GPD2: variants seen among roughly 807,000 people sequenced by gnomAD.
GPD2 encodes the protein glycerol-3-phosphate dehydrogenase 2, also known as glycerol-3-phosphate dehydrogenase, mitochondrial.
GPD2 carries 54 observed loss-of-function variants against 82.4 expected under a neutral mutation model. The observed-to-expected ratio is 0.66, with a 90% confidence interval of 0.53 to 0.82. The LOEUF (loss-of-function observed/expected upper bound fraction) is 0.82. Ranked by LOEUF, GPD2 falls within the 40% of genes least tolerant of loss-of-function variation. The pLI, the probability that GPD2 is intolerant of heterozygous loss-of-function variation, is 0.00. For missense variants in GPD2, 748 were observed against 896.2 expected, an observed-to-expected ratio of 0.83 and a Z score of 2.11; for synonymous variants, 288 against 306.1, an observed-to-expected ratio of 0.94 and a Z score of 0.62.
At chr2:156,419,684 A>T in the GPD2 span, among the ~76,000 whole-genome samples, 2 of 152,178 alleles carry the variant, frequency 1.3e-5, no homozygotes, top group Non-Finnish European at 2.9e-5. Flanking sequence ...GAAGAGACAG[A>T]ATGTGGTTGA....
chr2:156,582,953 A>C lies in GPD2; in HGVS notation c.*35A>C. 6.2e-7 allele frequency: 1 copy of C among 1,610,064 alleles called. No individual in the cohort carries two copies. The highest frequency in any genetic ancestry group is 1.3e-5 in the African/African-American group (1 of 74,898). ...GTAAATCCACAGCCAACAAACATAG[A>C]AACGACAAATCACCATGTAACAACC... On this transcript the variant is annotated 3_prime_UTR_variant, in exon 17 of 17. Transcript: ENST00000438166.
At chr2:156,545,417 C>T (rs533706840) in intron 6 of GPD2, among the ~76,000 whole-genome samples, 227 of 152,244 alleles carry the variant, frequency 1.5e-3, no homozygotes, top group African/African-American at 5.3e-3. Flanking sequence ...CATTTTTCCC[C>T]TTTCTTGAAG....
At chr2:156,418,968 G>A in the GPD2 span, among the ~76,000 whole-genome samples, 1 of 151,954 alleles carries the variant, frequency 6.6e-6, no homozygotes, top group East Asian at 1.9e-4. Flanking sequence ...GTGTGAAGTA[G>A]GGGCAGGTCA....
At chr2:156,495,932 C>G (rs1020196191) in intron 2 of GPD2, 112 bp from the exon 3 acceptor site, 10 of 790,540 alleles carry the variant, frequency 1.3e-5, no homozygotes, top group South Asian at 6.0e-5. Flanking sequence ...TGTGGACTCT[C>G]TTTAGCTCTT....
the GPD2 span, among the ~76,000 whole-genome samples, chr2:156,404,720 G>A: frequency 6.8e-6 from 1 of 147,428 alleles, no homozygotes; most frequent in African/African-American, 2.5e-5. Context: ...AGCTGGGCAT[G>A]GTGGTGCGGC....
chr2:156,508,044 A>G (rs1429211070), intron 3 of GPD2, among the ~76,000 whole-genome samples: 1 of 152,134 alleles, frequency 6.6e-6, no homozygotes, highest in Non-Finnish European at 1.5e-5. Context: ...TAATCTTCAC[A>G]CAGGGAATTG....
intron 1 of GPD2, 124 bp downstream of exon 1, chr2:156,436,637 G>T (rs1681935142): frequency 6.6e-6 from 1 of 152,278 alleles, no homozygotes; most frequent in South Asian, 2.1e-4. Flanking sequence ...CGGGAAACGG[G>T]AAAGATTTAG....
intron 6 of GPD2, among the ~76,000 whole-genome samples, chr2:156,514,519 T>A (rs1685126145): frequency 6.6e-6 from 1 of 152,068 alleles, no homozygotes; most frequent in Non-Finnish European, 1.5e-5. Flanking sequence ...ATATTTATAC[T>A]GAATACTATG....
intron 2 of GPD2, among the ~76,000 whole-genome samples, chr2:156,489,408 C>CTAA (rs1282264383): frequency 1.3e-5 from 2 of 152,164 alleles, no homozygotes; most frequent in African/African-American, 4.8e-5. Flanking sequence ...TGTCACCCAG[C>CTAA]TAATGCCTAT....
chr2:156,449,058 C>G (rs1471422803), intron 1 of GPD2, among the ~76,000 whole-genome samples: 1 of 152,196 alleles, frequency 6.6e-6, no homozygotes, highest in African/African-American at 2.4e-5. Flanking sequence ...ATCACCCTGT[C>G]TTCTTCTTAC....
At chr2:156,472,291 A>G (rs2105194859) in intron 1 of GPD2, among the ~76,000 whole-genome samples, 1 of 152,130 alleles carries the variant, frequency 6.6e-6, no homozygotes, top group Non-Finnish European at 1.5e-5. Context: ...TCTAAATTTC[A>G]TTCTTTCAGC....
chr2:156,425,425 G>A, the GPD2 span, among the ~76,000 whole-genome samples: 1 of 152,098 alleles, frequency 6.6e-6, no homozygotes. Context: ...CACATGCTTT[G>A]TATTTGATTA....
intron 6 of GPD2, among the ~76,000 whole-genome samples, chr2:156,546,955 A>C (rs2105330321): frequency 6.6e-6 from 1 of 152,352 alleles, no homozygotes; most frequent in Admixed American, 6.5e-5. Flanking sequence ...GGCTAAACTT[A>C]ACAGTAATTG....
chr2:156,518,172 A>G (rs1685267222), intron 6 of GPD2, among the ~76,000 whole-genome samples: 1 of 152,198 alleles, frequency 6.6e-6, no homozygotes, highest in South Asian at 2.1e-4. Flanking sequence ...ATACAAATAG[A>G]TGAATTCAGC....
chr2:156,551,342 G>A (rs1463229094), intron 8 of GPD2, among the ~76,000 whole-genome samples: 1 of 152,074 alleles, frequency 6.6e-6, no homozygotes, highest in Non-Finnish European at 1.5e-5. Context: ...TGGGTGATGG[G>A]TACATGGAGC....
In GPD2 at chr2:156,571,188, C is replaced by T. The variant is rs1470212567; in HGVS notation, c.1663C>T (p.Arg555Cys). 1.2e-6 allele frequency: 2 copies of T among 1,610,452 alleles called. No individual in the cohort carries two copies. The highest frequency in any genetic ancestry group is 1.1e-5 in the South Asian group (1 of 91,014). ...CACTGCTGTGGATATGATTTCACGT[C>T]GTACTCGCCTGGCCTTTCTAAATGT... ...ACTAVDMISR[R>C]TRLAFLNVQA... is the part of the protein sequence containing the mutation. The change falls in exon 13 of 17, where the codon CGT becomes TGT. Residue 555 changes from arginine to cysteine, a missense_variant. This residue lies in a region of GPD2 where 692 missense variants were observed against 809.7 expected (regional missense o/e 0.85). Transcript: ENST00000438166.
At chr2:156,406,496 G>T in the GPD2 span, among the ~76,000 whole-genome samples, 424 of 152,216 alleles carry the variant, frequency 2.8e-3, 2 homozygotes, top group African/African-American at 9.8e-3. Context: ...CACTCCCTGG[G>T]CTACCCAGGA....
At chr2:156,458,043 T>G (rs1194694252) in intron 1 of GPD2, among the ~76,000 whole-genome samples, 1 of 152,166 alleles carries the variant, frequency 6.6e-6, no homozygotes, top group Non-Finnish European at 1.5e-5. Flanking sequence ...CTGCACTGAA[T>G]TTTCTCCTGG....
chr2:156,400,331 G>A, the GPD2 span, among the ~76,000 whole-genome samples: 3 of 152,232 alleles, frequency 2.0e-5, no homozygotes, highest in Non-Finnish European at 2.9e-5. Flanking sequence ...CGAGCGCTGG[G>A]CCCGGGCTCG....
Sources: allele counts gnomAD v4.1 joint callset (sites outside exome capture counted in the v4.1 genomes callset), GRCh38; gene constraint gnomAD v4.1.1; regional missense constraint gnomAD v4.1.1; transcripts MANE v1.5; gene names NCBI Gene and HGNC (gene_info 2026-07-23, HGNC 2026-07-21).